Variants in RPH3A observed in about 807,000 individuals in gnomAD.
RPH3A encodes the protein rabphilin-3A.
In RPH3A, 48 loss-of-function variants were observed where a neutral mutation model predicts 102.2. The observed-to-expected ratio is 0.47, with a 90% confidence interval of 0.37 to 0.60. The LOEUF is 0.60. Ranked by LOEUF, RPH3A falls within the 20% of genes least tolerant of loss-of-function variation. The pLI, the probability that RPH3A is intolerant of heterozygous loss-of-function variation, is 0.00. For missense variants in RPH3A, 781 were observed against 910.1 expected (o/e 0.86, Z 1.83); for synonymous variants, 310 against 324.3 (o/e 0.96, Z 0.47).
chr12:112,667,666 GAGAGAGAGA>G (rs2040095690), intron 1 of RPH3A, among the ~76,000 whole-genome samples: 5 of 7,652 alleles, frequency 6.5e-4, no homozygotes, highest in African/African-American at 3.5e-3. Context: ...TGAATAAAGA[GAGAGAGAGA>G]GAGAGAGAGA....
intron 4 of RPH3A, among the ~76,000 whole-genome samples, chr12:112,839,848 G>T (rs548786071): frequency 5.9e-5 from 9 of 152,260 alleles, no homozygotes; most frequent in African/African-American, 1.9e-4. Flanking sequence ...CACTATCTGG[G>T]TGTGGTGGTG....
intron 11 of RPH3A, among the ~76,000 whole-genome samples, chr12:112,875,387 A>T (rs1251394627): frequency 6.6e-6 from 1 of 152,146 alleles, no homozygotes; most frequent in Admixed American, 6.6e-5. Context: ...TTACCCACCC[A>T]GTGCAGAAAG....
chr12:112,753,098 C>T (rs938332393), intron 1 of RPH3A, among the ~76,000 whole-genome samples: 5 of 151,446 alleles, frequency 3.3e-5, no homozygotes, highest in Non-Finnish European at 1.5e-5. Flanking sequence ...TCGATTCAGA[C>T]TGTTTCTCGT....
At chr12:112,695,715 T>C (rs1398282592) in intron 1 of RPH3A, among the ~76,000 whole-genome samples, 1 of 152,264 alleles carries the variant, frequency 6.6e-6, no homozygotes, top group East Asian at 1.9e-4. Flanking sequence ...GTTGCCCACA[T>C]TCATGGAAGA....
At chr12:112,694,642 G>GCGCA (rs1317271288) in intron 1 of RPH3A, among the ~76,000 whole-genome samples, 2 of 140,326 alleles carry the variant, frequency 1.4e-5, no homozygotes, top group Non-Finnish European at 3.0e-5. Flanking sequence ...ACGCGCGCGC[G>GCGCA]CGCACACGCA....
intron 1 of RPH3A, among the ~76,000 whole-genome samples, chr12:112,705,866 A>G (rs1457575962): frequency 6.6e-6 from 1 of 152,168 alleles, no homozygotes; most frequent in African/African-American, 2.4e-5. Flanking sequence ...GACTGTGTCC[A>G]TCCATTCATC....
chr12:112,748,062 A>T (rs2040760616), intron 1 of RPH3A, among the ~76,000 whole-genome samples: 1 of 152,224 alleles, frequency 6.6e-6, no homozygotes, highest in African/African-American at 2.4e-5. Context: ...TGGGAAATGC[A>T]GTCCAGCGTG....
At chr12:112,607,093 G>C (rs753353022) in intron 1 of RPH3A, among the ~76,000 whole-genome samples, 1 of 152,140 alleles carries the variant, frequency 6.6e-6, no homozygotes, top group African/African-American at 2.4e-5. Context: ...ACACTTAAAG[G>C]CACCACACAC....
intron 4 of RPH3A, chr12:112,837,813 G>A (rs930601800): frequency 4.4e-6 from 2 of 455,822 alleles, no homozygotes; most frequent in African/African-American, 4.0e-5. Context: ...TTGAAAGGTA[G>A]CATGTTCATC....
intron 1 of RPH3A, among the ~76,000 whole-genome samples, chr12:112,631,122 C>A (rs2039800968): frequency 6.6e-6 from 1 of 152,118 alleles, no homozygotes; most frequent in Non-Finnish European, 1.5e-5. Context: ...GGCAGCTGTA[C>A]CCTTGTCCTG....
intron 4 of RPH3A, among the ~76,000 whole-genome samples, 156 bp downstream of exon 4, chr12:112,836,658 A>G (rs2042056537): frequency 6.6e-6 from 1 of 152,102 alleles, no homozygotes; most frequent in South Asian, 2.1e-4. Context: ...AAAAACACCC[A>G]CACCCATCTT....
At position 112,755,298 on chromosome 12, in the gene RPH3A, T is replaced by TAC. The variant is rs58229294; in HGVS notation, c.-139-36805_-139-36804dup. On this transcript the variant is annotated intron_variant, in intron 1 of 21. Transcript: ENST00000543106. ...GTAAAATTGAATATATATATGTATA[T>TAC]ACACACACACACACACACACACACA... Among the ~76,000 whole-genome samples the TAC allele has an allele frequency of 7.8e-3, 1,144 of 145,826 alleles. 10 individuals are homozygous for TAC. Among genetic ancestry groups the TAC allele is most frequent in the Middle Eastern group, 0.014 (4 of 278 alleles).
chr12:112,836,518 C>T lies in RPH3A; in HGVS notation c.83+16C>T. 3 of 1,265,036 alleles carry T rather than the reference C, an allele frequency of 2.4e-6. No homozygotes were observed. Among genetic ancestry groups the T allele is most frequent in the Non-Finnish European group, 3.3e-6 (3 of 915,406 alleles). The allele number at this position is 1,265,036 out of a possible 1,614,324, so 78.4% of individuals were successfully genotyped here. On this transcript the variant is annotated intron_variant, in intron 4 of 21. Transcript: ENST00000389385. ...ATAAAGAACAGTGAGTATTTTATAA[C>T]ACTTATTTATTTATTTTTTACAAAC... is the stretch of plus-strand genomic sequence containing the variant.
At chr12:112,732,395 C>G (rs531471426) in intron 1 of RPH3A, among the ~76,000 whole-genome samples, 1 of 152,172 alleles carries the variant, frequency 6.6e-6, no homozygotes, top group Non-Finnish European at 1.5e-5. Context: ...ATCTTTTGGG[C>G]CTTGTATTTC....
chr12:112,659,818 C>T (rs377520150), intron 1 of RPH3A, among the ~76,000 whole-genome samples: 2 of 152,272 alleles, frequency 1.3e-5, no homozygotes, highest in South Asian at 2.1e-4. Context: ...TTCACGCTGA[C>T]TCCTAGGTCT....
At chr12:112,759,029 A>G (rs1245640418) in intron 1 of RPH3A, among the ~76,000 whole-genome samples, 3 of 152,234 alleles carry the variant, frequency 2.0e-5, no homozygotes, top group African/African-American at 7.2e-5. Context: ...GTCACTGGAA[A>G]TAGACCTGGA....
At chr12:112,576,694 C>G (rs1329871572) in intron 1 of RPH3A, among the ~76,000 whole-genome samples, 1 of 151,964 alleles carries the variant, frequency 6.6e-6, no homozygotes, top group Admixed American at 6.5e-5. Flanking sequence ...TCAGATCTGG[C>G]CCCACATAAT....
At chr12:112,722,631 T>C (rs1373217761) in intron 1 of RPH3A, among the ~76,000 whole-genome samples, 2 of 152,234 alleles carry the variant, frequency 1.3e-5, no homozygotes, top group African/African-American at 4.8e-5. Context: ...GAAATTTCTT[T>C]AAGGGAGGCT....
upstream of RPH3A, among the ~76,000 whole-genome samples, chr12:112,789,613 A>G (rs2041075497): frequency 6.6e-6 from 1 of 152,148 alleles, no homozygotes; most frequent in African/African-American, 2.4e-5. Context: ...ACTTCAGAAG[A>G]TGATACATGT....
Sources: allele counts gnomAD v4.1 joint callset (sites outside exome capture counted in the v4.1 genomes callset), GRCh38; gene constraint gnomAD v4.1.1; transcripts MANE v1.5; gene names NCBI Gene and HGNC (gene_info 2026-07-23, HGNC 2026-07-21).